The following LTBP1 variants were observed in gnomAD, a reference collection of about 807,000 sequenced individuals.
LTBP1 encodes latent-transforming growth factor beta-binding protein 1.
A neutral mutation model predicts 207.6 loss-of-function variants in LTBP1; 129 were observed. That is an observed-to-expected ratio of 0.62 (90% CI 0.54 to 0.72). The LOEUF is 0.72. Among genes scored for constraint, LTBP1 ranks in the 30% least tolerant of loss-of-function variants. The probability of loss-of-function intolerance (pLI) is 0.00; values close to 1 mark genes in which losing one functional copy is unlikely to be tolerated. For synonymous variants in LTBP1, 963 were observed against 833.7 expected (o/e 1.16, Z -2.67); for missense variants, 2,281 against 2,217.2 (o/e 1.03, Z -0.58).
chr2:33,183,298 T>C (rs1276553933), intron 5 of LTBP1, among the ~76,000 whole-genome samples: 1 of 152,202 alleles, frequency 6.6e-6, no homozygotes, highest in Admixed American at 6.5e-5. Flanking sequence ...TTATCCACTT[T>C]TGTAAAATGT....
In LTBP1 at chr2:33,309,576, C is replaced by G; in HGVS notation, c.3604+20C>G. 1.3e-6 allele frequency: 2 copies of G among 1,599,074 alleles called. No individual in the cohort carries two copies. The highest frequency in any genetic ancestry group is 1.7e-6 in the Non-Finnish European group (2 of 1,175,462). ...GTCAAGGTATTTCTTGCTCTTTTTT[C>G]CCCAGTCATTATTTACGTAATTCTT... is the stretch of plus-strand genomic sequence containing the variant. On this transcript the variant is annotated intron_variant, in intron 23 of 33. Transcript: ENST00000404816.
At chr2:33,309,596 A>G in intron 23 of LTBP1, 40 bp downstream of exon 23, 3 of 1,590,744 alleles carry the variant, frequency 1.9e-6, no homozygotes, top group Non-Finnish European at 2.6e-6. Flanking sequence ...TATTTACGTA[A>G]TTCTTCAATT....
intron 31 of LTBP1, among the ~76,000 whole-genome samples, chr2:33,385,460 A>G (rs2095257601): frequency 6.6e-6 from 1 of 152,252 alleles, no homozygotes; most frequent in Non-Finnish European, 1.5e-5. Flanking sequence ...TGTCACCCAC[A>G]GGAAAAAATT....
chr2:33,359,813 G>A (rs562263913), intron 26 of LTBP1, among the ~76,000 whole-genome samples: 7 of 152,264 alleles, frequency 4.6e-5, no homozygotes, highest in Non-Finnish European at 7.4e-5. Context: ...CAAAGATTTC[G>A]TATCTGATTG....
intron 4 of LTBP1, among the ~76,000 whole-genome samples, chr2:33,128,633 A>ATC: frequency 6.6e-6 from 1 of 152,322 alleles, no homozygotes; most frequent in East Asian, 1.9e-4. Flanking sequence ...TTAGAGTAAC[A>ATC]TCTTGAACTG....
chr2:32,969,783 T>C (rs550794444), intron 2 of LTBP1, among the ~76,000 whole-genome samples: 1 of 152,352 alleles, frequency 6.6e-6, no homozygotes, highest in African/African-American at 2.4e-5. Flanking sequence ...TCTGGGTATA[T>C]ACCCAATAAT....
intron 9 of LTBP1, among the ~76,000 whole-genome samples, chr2:33,240,719 C>T (rs1043609364): frequency 4.9e-5 from 7 of 143,732 alleles, no homozygotes; most frequent in African/African-American, 1.1e-4. Flanking sequence ...GGCGCGATCT[C>T]GGCTCACTCC....
At chr2:33,328,641 C>T (rs756491436) in intron 24 of LTBP1, among the ~76,000 whole-genome samples, 25 of 152,092 alleles carry the variant, frequency 1.6e-4, no homozygotes, top group African/African-American at 5.3e-4. Flanking sequence ...TTGGAGAAAC[C>T]GCTCCCATGA....
At position 33,098,746 on chromosome 2, in the gene LTBP1, G is replaced by A. The variant is rs1229217622; in HGVS notation, c.864-11836G>A. ...GAGCCACCGCGCCTGGCCCACAAAT[G>A]ATTTTTACTTTATAAAGTCAATATA... is the stretch of plus-strand genomic sequence containing the variant. On this transcript the variant is annotated intron_variant, in intron 3 of 33. Coordinates refer to ENST00000404816, the MANE Select transcript of LTBP1 (RefSeq NM_206943.4). 3.9e-5 allele frequency among the ~76,000 whole-genome samples: 6 copies of A among 152,182 alleles called. No individual in the cohort carries two copies. The East Asian group carries it at 7.7e-4, about 20-fold the overall frequency.
At chr2:33,317,722 C>T (rs1438646233) in intron 24 of LTBP1, 8 of 152,206 alleles carry the variant, frequency 5.3e-5, no homozygotes, top group Admixed American at 3.9e-4. Flanking sequence ...GCTGAAGCCT[C>T]GTTGACACCA....
chr2:32,968,209 G>C (rs1680285241), intron 2 of LTBP1, among the ~76,000 whole-genome samples: 1 of 152,074 alleles, frequency 6.6e-6, no homozygotes, highest in South Asian at 2.1e-4. Context: ...CAGGTGATCC[G>C]CCTGCCTTGG....
rs1348408934 is a variant in LTBP1, at chr2:33,267,979, G to A, written c.2617+4587G>A. ...ATCTGCTGTCACATGTTTGAAGCAT[G>A]AATATATCCTTCCAAGAAACAAGTG... is the stretch of plus-strand genomic sequence containing the variant. On this transcript the variant is annotated intron_variant, in intron 15 of 33. Transcript: ENST00000404816. Among the ~76,000 whole-genome samples the A allele has an allele frequency of 2.5e-4, 38 of 152,214 alleles. 1 individual carries two copies. Among genetic ancestry groups the A allele is most frequent in the Admixed American group, 2.2e-3 (34 of 15,280 alleles).
intron 2 of LTBP1, among the ~76,000 whole-genome samples, chr2:33,003,753 C>T (rs764993469): frequency 6.6e-6 from 1 of 152,132 alleles, no homozygotes; most frequent in Non-Finnish European, 1.5e-5. Flanking sequence ...GTGTCAAAAC[C>T]CTGACAAATA....
At chr2:33,128,420 T>C (rs377299565) in intron 4 of LTBP1, among the ~76,000 whole-genome samples, 1 of 152,210 alleles carries the variant, frequency 6.6e-6, no homozygotes, top group Admixed American at 6.5e-5. Context: ...CTGCTCCTTA[T>C]TCTGTTTACA....
Position 33,263,288 on chromosome 2 carries a change from A to C in LTBP1, c.2519-6A>C. On this transcript the variant is annotated splice_polypyrimidine_tract_variant and splice_region_variant and intron_variant, in intron 14 of 33. Coordinates refer to ENST00000404816, the MANE Select transcript of LTBP1 (RefSeq NM_206943.4). Reference sequence around the variant, plus strand: ...TTTTCTTTTTATCCTCTGCTTCCTCATATAGTAGTGATTGAAAAAACATCA... The same window carrying C: ...TTTTCTTTTTATCCTCTGCTTCCTCCTATAGTAGTGATTGAAAAAACATCA... 1 of 1,581,200 alleles carries C rather than the reference A, an allele frequency of 6.3e-7. No individual in the cohort carries two copies. Among genetic ancestry groups the C allele is most frequent in the Non-Finnish European group, 8.7e-7 (1 of 1,150,122 alleles).
Position 33,016,250 on chromosome 2 carries a change from G to T in LTBP1, c.566-4659G>T, listed in dbSNP as rs537289684. Reference sequence around the variant, plus strand: ...TTCTGCAGGGGTAGACCAGTGAGAAGTGAGGGTGGAAAAGGGGGTTTGGGT... The same window carrying T: ...TTCTGCAGGGGTAGACCAGTGAGAATTGAGGGTGGAAAAGGGGGTTTGGGT... On this transcript the variant is annotated intron_variant, in intron 2 of 33. Coordinates refer to ENST00000404816, the MANE Select transcript of LTBP1 (RefSeq NM_206943.4). Among the ~76,000 whole-genome samples the T allele has an allele frequency of 7.2e-4, 109 of 152,292 alleles. 1 individual carries two copies. In the South Asian group the frequency reaches 0.017, roughly 24 times the overall value.
chr2:33,238,339 T>A (rs1237148550), intron 9 of LTBP1, among the ~76,000 whole-genome samples: 1 of 152,202 alleles, frequency 6.6e-6, no homozygotes, highest in African/African-American at 2.4e-5. Flanking sequence ...GACAGTAAAT[T>A]CTTACTCACT....
chr2:33,089,417 G>A (rs889831205), intron 3 of LTBP1, among the ~76,000 whole-genome samples: 2 of 152,186 alleles, frequency 1.3e-5, no homozygotes, highest in African/African-American at 4.8e-5. Flanking sequence ...GTGACATGTG[G>A]CAATGTCTGG....
chr2:33,145,501 G>T (rs2082954063), intron 5 of LTBP1, among the ~76,000 whole-genome samples: 1 of 152,224 alleles, frequency 6.6e-6, no homozygotes, highest in Non-Finnish European at 1.5e-5. Flanking sequence ...CTCCTGGCAA[G>T]TTAGGAAGTA....
Sources: gnomAD v4.1 joint callset for allele counts (sites outside exome capture counted in the v4.1 genomes callset) on GRCh38, gnomAD v4.1.1 for gene constraint, MANE v1.5 for transcripts, NCBI Gene and HGNC (gene_info 2026-07-23, HGNC 2026-07-21) for gene names.